The following SOX5 variants were observed in gnomAD, a reference collection of about 807,000 sequenced individuals.
SOX5 encodes the protein SRY-box transcription factor 5, also known as transcription factor SOX-5.
A neutral mutation model predicts 92.0 loss-of-function variants in SOX5; 9 were observed. The ratio of observed to expected loss-of-function variants is 0.10; its 90% CI spans 0.06 to 0.17. SOX5 has a LOEUF of 0.17. SOX5 is among the 10% of genes least tolerant of loss of function. The probability of loss-of-function intolerance (pLI) is 1.00; values close to 1 mark genes in which losing one functional copy is unlikely to be tolerated. For synonymous variants in SOX5, 344 were observed against 336.3 expected, an observed-to-expected ratio of 1.02 and a Z score of -0.25; for missense variants, 642 against 944.5, an observed-to-expected ratio of 0.68 and a Z score of 4.20.
At chr12:24,348,972 C>T (rs1165871682) in intron 2 of SOX5, among the ~76,000 whole-genome samples, 1 of 152,240 alleles carries the variant, frequency 6.6e-6, no homozygotes, top group African/African-American at 2.4e-5. Context: ...CCATGTGGAA[C>T]TGTGAGTCCA....
At chr12:24,334,087 A>G (rs1247729324) in intron 2 of SOX5, among the ~76,000 whole-genome samples, 2 of 151,160 alleles carry the variant, frequency 1.3e-5, no homozygotes, top group African/African-American at 4.8e-5. Context: ...TACTCATACT[A>G]TATACTATAT....
At chr12:24,035,058 G>T (rs1955883192) in intron 4 of SOX5, among the ~76,000 whole-genome samples, 2 of 152,062 alleles carry the variant, frequency 1.3e-5, no homozygotes, top group Admixed American at 6.6e-5. Flanking sequence ...TGAAATCATG[G>T]TTACTTCTTT....
At chr12:24,504,271 A>G (rs1333724005) in intron 1 of SOX5, among the ~76,000 whole-genome samples, 1 of 152,212 alleles carries the variant, frequency 6.6e-6, no homozygotes, top group Non-Finnish European at 1.5e-5. Flanking sequence ...ATTTGTGCCT[A>G]TTCTTACAGG....
chr12:24,329,512 A>G (rs1363375271), intron 2 of SOX5, among the ~76,000 whole-genome samples: 1 of 152,210 alleles, frequency 6.6e-6, no homozygotes, highest in Non-Finnish European at 1.5e-5. Context: ...ATTACAATTC[A>G]AGATGAGATT....
intron 1 of SOX5, among the ~76,000 whole-genome samples, chr12:24,525,594 G>A (rs570282191): frequency 6.3e-4 from 96 of 152,298 alleles, no homozygotes; most frequent in African/African-American, 2.2e-3. Flanking sequence ...TAGCCAGGCC[G>A]GGCGTGGTGG....
rs149114010 is a variant in SOX5, at chr12:24,268,698, G to A, written c.-77+8518C>T. ...TTAGGTGCACAGGTATGTAGCATCA[G>A]GAGCCTTTATTTGTGAAACCTAAAA... On this transcript the variant is annotated intron_variant, in intron 3 of 4. Transcript: ENST00000446891. 3.8e-3 allele frequency among the ~76,000 whole-genome samples: 586 copies of A among 152,244 alleles called. 6 individuals are homozygous for A. Among genetic ancestry groups the A allele is most frequent in the East Asian group, 0.024 (125 of 5,182 alleles).
intron 6 of SOX5, among the ~76,000 whole-genome samples, chr12:23,681,970 C>A (rs754660199): frequency 1.7e-4 from 26 of 151,536 alleles, no homozygotes; most frequent in Non-Finnish European, 3.3e-4. Flanking sequence ...GAGAAATTAG[C>A]AATCCCCCAT....
chr12:23,946,150 T>C (rs1170059021), intron 1 of SOX5, among the ~76,000 whole-genome samples: 1 of 152,124 alleles, frequency 6.6e-6, no homozygotes, highest in Non-Finnish European at 1.5e-5. Flanking sequence ...GGTTTTACTA[T>C]TGTAGTGTTC....
At chr12:24,266,702 A>G (rs986895580) in intron 3 of SOX5, among the ~76,000 whole-genome samples, 4 of 152,244 alleles carry the variant, frequency 2.6e-5, no homozygotes, top group Non-Finnish European at 5.9e-5. Flanking sequence ...TCTGTTGAAC[A>G]TAGGAAAATG....
At chr12:23,664,284 C>T (rs965595279) in intron 7 of SOX5, among the ~76,000 whole-genome samples, 4 of 151,146 alleles carry the variant, frequency 2.6e-5, no homozygotes, top group African/African-American at 9.7e-5. Context: ...AAATTAAATA[C>T]TAAAGCATAA....
intron 4 of SOX5, among the ~76,000 whole-genome samples, chr12:24,067,899 C>T (rs1486941527): frequency 4.6e-5 from 7 of 152,340 alleles, no homozygotes; most frequent in Non-Finnish European, 7.4e-5. Flanking sequence ...AATCCCAGCA[C>T]TATGGGAGGC....
At chr12:23,653,842 C>T (rs755306758) in intron 7 of SOX5, among the ~76,000 whole-genome samples, 37 of 152,044 alleles carry the variant, frequency 2.4e-4, no homozygotes, top group Admixed American at 3.9e-4. Context: ...CCCATTCTCC[C>T]CAACTAGACT....
intron 3 of SOX5, among the ~76,000 whole-genome samples, chr12:23,763,397 A>C (rs1357463001): frequency 2.0e-5 from 3 of 152,172 alleles, no homozygotes; most frequent in Non-Finnish European, 4.4e-5. Context: ...CTTGCCTGTC[A>C]TGAAAACTAC....
chr12:24,294,606 C>T (rs1045279283), intron 2 of SOX5, among the ~76,000 whole-genome samples: 3 of 152,098 alleles, frequency 2.0e-5, no homozygotes, highest in Admixed American at 6.5e-5. Context: ...CCAAAATGCA[C>T]AGCGTCCAGC....
intron 13 of SOX5, among the ~76,000 whole-genome samples, chr12:23,537,233 AACT>A (rs1940727030): frequency 6.6e-6 from 1 of 152,146 alleles, no homozygotes; most frequent in African/African-American, 2.4e-5. Context: ...TGGAGTGGGT[AACT>A]ACTATGTGCC....
At chr12:24,339,843 CAG>C (rs1383327300) in intron 2 of SOX5, among the ~76,000 whole-genome samples, 1 of 152,196 alleles carries the variant, frequency 6.6e-6, no homozygotes, top group Non-Finnish European at 1.5e-5. Flanking sequence ...AAAGTTGGTG[CAG>C]AGAGCTTACA....
intron 3 of SOX5, among the ~76,000 whole-genome samples, chr12:23,807,315 T>A (rs1315495034): frequency 2.6e-5 from 4 of 152,170 alleles, no homozygotes; most frequent in Non-Finnish European, 4.4e-5. Flanking sequence ...TTGGGACACT[T>A]CATTAAGGTC....
intron 9 of SOX5, among the ~76,000 whole-genome samples, chr12:23,598,387 C>CTTTTTTTTT (rs201719026): frequency 1.2e-4 from 11 of 95,162 alleles, no homozygotes; most frequent in Non-Finnish European, 1.6e-4. Flanking sequence ...TGTGCTTTAT[C>CTTTTTTTTT]TTTTTTTTTT....
intron 2 of SOX5, among the ~76,000 whole-genome samples, chr12:24,304,194 G>T (rs892977910): frequency 1.3e-5 from 2 of 152,164 alleles, no homozygotes; most frequent in African/African-American, 4.8e-5. Flanking sequence ...AGAGTAAAGA[G>T]AATTCCATGT....
Sources: gnomAD v4.1 joint callset for allele counts (sites outside exome capture counted in the v4.1 genomes callset) on GRCh38, gnomAD v4.1.1 for gene constraint, MANE v1.5 for transcripts, NCBI Gene and HGNC (gene_info 2026-07-23, HGNC 2026-07-21) for gene names.